Variants in CNEP1R1 observed in about 807,000 individuals in gnomAD.
CNEP1R1 encodes CTD nuclear envelope phosphatase 1 regulatory subunit 1.
Under a neutral mutation model 22.7 loss-of-function variants are expected in CNEP1R1, and 10 were observed. That is an observed-to-expected ratio of 0.44 (90% confidence interval 0.27 to 0.75). The LOEUF (loss-of-function observed/expected upper bound fraction) is 0.75. CNEP1R1 is among the 30% of genes least tolerant of loss of function. The pLI is 0.17. For synonymous variants in CNEP1R1, 53 were observed against 50.1 expected, an observed-to-expected ratio of 1.06 and a Z score of -0.25; for missense variants, 73 against 151.5, an observed-to-expected ratio of 0.48 and a Z score of 2.72.
At chr16:50,026,635 AAAG>A (rs1311202250) in intron 2 of CNEP1R1, 168 bp downstream of exon 2, 33 of 608,276 alleles carry the variant, frequency 5.4e-5, no homozygotes, top group Non-Finnish European at 8.7e-5. Context: ...GGCCTTCTCA[AAAG>A]AACAGTCTAT....
At chr16:50,033,367 A>G in intron 3 of CNEP1R1, 30 bp from the exon 4 acceptor site, 2 of 1,207,628 alleles carry the variant, frequency 1.7e-6, no homozygotes, top group Non-Finnish European at 1.2e-6. Flanking sequence ...GATTTTTAAC[A>G]TTTTTATATT....
At chr16:50,034,377 A>G in intron 5 of CNEP1R1, 1 of 520,988 alleles carries the variant, frequency 1.9e-6, no homozygotes, top group South Asian at 2.2e-5. Context: ...AGAGTTGACA[A>G]TTTAATCTTT....
intron 1 of CNEP1R1, chr16:50,025,758 A>G: frequency 6.9e-7 from 1 of 1,440,490 alleles, no homozygotes. Flanking sequence ...CGGAAAGGAT[A>G]CCCCACCACT....
chr16:50,025,325 C>T lies in CNEP1R1; in HGVS notation c.10C>T (p.Leu4=). Residue 4 remains leucine (L), a synonymous_variant, in exon 1 of 6, where the codon CTG becomes TTG. Transcript: ENST00000427478. MNS[L]EQAEDLKAFE... ...CGAGCTGCCGCCCGACATGAACTCG[C>T]TGGAGCAGGCGGAAGGTAGGGTGGG... 1 of 1,437,258 alleles carries T rather than the reference C, an allele frequency of 7.0e-7. No homozygotes were observed. 89.0% of individuals were successfully genotyped at this position (1,437,258 alleles called of 1,614,324 possible).
chr16:50,034,078 T>C, intron 4 of CNEP1R1, 24 bp from the exon 5 acceptor site: 1 of 1,572,884 alleles, frequency 6.4e-7, no homozygotes, highest in Non-Finnish European at 8.7e-7. Flanking sequence ...AATGAGAAAT[T>C]TTCCTTTGAC....
intron 1 of CNEP1R1, chr16:50,026,024 A>G: frequency 2.2e-6 from 1 of 448,044 alleles, no homozygotes; most frequent in South Asian, 4.7e-5. Context: ...TCTAATAGGA[A>G]GTTCTTGGTT....
At chr16:50,030,994 T>TA (rs1567411136) in intron 3 of CNEP1R1, among the ~76,000 whole-genome samples, 1 of 152,242 alleles carries the variant, frequency 6.6e-6, no homozygotes, top group Non-Finnish European at 1.5e-5. Flanking sequence ...CTCTTTCTAC[T>TA]AATTTGTGCT....
intron 2 of CNEP1R1, chr16:50,026,941 C>G (rs2036189653): frequency 6.6e-6 from 1 of 152,338 alleles, no homozygotes; most frequent in South Asian, 2.1e-4. Flanking sequence ...CCATTGCACT[C>G]CAGCCTGGGC....
intron 5 of CNEP1R1, 112 bp downstream of exon 5, chr16:50,034,268 G>A: frequency 1.4e-6 from 1 of 690,932 alleles, no homozygotes; most frequent in Non-Finnish European, 2.6e-6. Flanking sequence ...GGAATGAATA[G>A]TGAGAATATA....
At chr16:50,025,688 C>T (rs1427222517) in intron 1 of CNEP1R1, 2 of 1,613,804 alleles carry the variant, frequency 1.2e-6, no homozygotes, top group Admixed American at 1.7e-5. Flanking sequence ...CGGTGGTTTC[C>T]GGTAACTGCC....
chr16:50,025,479 G>A (rs1366643343), intron 1 of CNEP1R1, 139 bp downstream of exon 1: 13 of 1,124,830 alleles, frequency 1.2e-5, no homozygotes, highest in Non-Finnish European at 1.4e-5. Context: ...TTGGGGGCGC[G>A]TAGGCGGCCG....
chr16:50,035,241 G>A (rs2036265503), intron 5 of CNEP1R1, among the ~76,000 whole-genome samples, 176 bp from the exon 6 acceptor site: 1 of 152,132 alleles, frequency 6.6e-6, no homozygotes, highest in African/African-American at 2.4e-5. Flanking sequence ...AAAATAAAGA[G>A]CTCAGAAGGA....
intron 2 of CNEP1R1, 124 bp downstream of exon 2, chr16:50,026,591 A>G: frequency 1.4e-6 from 1 of 723,446 alleles, no homozygotes; most frequent in African/African-American, 1.8e-5. Context: ...ACAATGCCTT[A>G]TGAAGAAATT....
At chr16:50,025,597 C>T (rs889591906) in intron 1 of CNEP1R1, 8 of 1,480,994 alleles carry the variant, frequency 5.4e-6, no homozygotes, top group Non-Finnish European at 7.6e-6. Context: ...CACTGGCAGA[C>T]ACTTGCACTT....
intron 3 of CNEP1R1, among the ~76,000 whole-genome samples, chr16:50,030,106 G>T (rs2036219012): frequency 6.6e-6 from 1 of 152,002 alleles, no homozygotes; most frequent in South Asian, 2.1e-4. Flanking sequence ...ACTTCAGTGT[G>T]AGTATTATCT....
At position 50,034,418 on chromosome 16, in the gene CNEP1R1, T is replaced by C. The variant is rs186900281; in HGVS notation, c.336+262T>C. 8 of 447,056 alleles carry C rather than the reference T, an allele frequency of 1.8e-5. No individual in the cohort carries two copies. The East Asian group carries it at 3.1e-4, about 17-fold the overall frequency. The allele number at this position is 447,056 out of a possible 1,614,324, so 27.7% of individuals were successfully genotyped here. A position where few individuals can be genotyped will look rare whatever the true frequency, so the allele number is the denominator to read the frequency against. ...TGACATAAAATCATGATGCATCTTA[T>C]AACTGATGCATCTTAGATTCAGTGA... On this transcript the variant is annotated intron_variant, in intron 5 of 5. Coordinates refer to ENST00000427478, the MANE Select transcript of CNEP1R1 (RefSeq NM_001281789.2).
At chr16:50,025,671 A>T in intron 1 of CNEP1R1, 1 of 1,613,982 alleles carries the variant, frequency 6.2e-7, no homozygotes, top group Non-Finnish European at 8.5e-7. Flanking sequence ...TGTATCCCTG[A>T]TTCCTGCGGT....
intron 2 of CNEP1R1, chr16:50,026,683 C>A: frequency 1.9e-6 from 1 of 532,758 alleles, no homozygotes; most frequent in Non-Finnish European, 3.3e-6. Context: ...CATTAAAAAA[C>A]ATATTTTTTG....
At chr16:50,028,672 G>C (rs1160123242) in intron 2 of CNEP1R1, among the ~76,000 whole-genome samples, 1 of 152,052 alleles carries the variant, frequency 6.6e-6, no homozygotes, top group Admixed American at 6.6e-5. Flanking sequence ...CACTTACTTG[G>C]TTAATGAACC....
Sources: gnomAD v4.1 joint callset for allele counts (sites outside exome capture counted in the v4.1 genomes callset) on GRCh38, gnomAD v4.1.1 for gene constraint, MANE v1.5 for transcripts, NCBI Gene and HGNC (gene_info 2026-07-23, HGNC 2026-07-21) for gene names.